Variants in SVOP observed in about 807,000 individuals in gnomAD.
SVOP encodes the protein synaptic vesicle 2-related protein.
A neutral mutation model predicts 69.1 loss-of-function variants in SVOP; 17 were observed. That is an observed-to-expected ratio of 0.25 (90% confidence interval 0.17 to 0.37). The LOEUF (loss-of-function observed/expected upper bound fraction) is 0.37, where lower values mean the gene tolerates loss of function less well. SVOP is among the 10% of genes least tolerant of loss of function. SVOP has a pLI of 1.00. For missense variants in SVOP, 435 were observed against 597.5 expected, an observed-to-expected ratio of 0.73 and a Z score of 2.84; for synonymous variants, 238 against 238.6, an observed-to-expected ratio of 1.00 and a Z score of 0.02.
At chr12:108,938,770 C>T in intron 9 of SVOP, 57 bp downstream of exon 9, 1 of 1,610,660 alleles carries the variant, frequency 6.2e-7, no homozygotes, top group Non-Finnish European at 8.5e-7. Flanking sequence ...TATGCACACA[C>T]TCCCCTGCAT....
intron 6 of SVOP, among the ~76,000 whole-genome samples, chr12:108,957,122 C>T (rs1004179605): frequency 7.2e-5 from 11 of 151,966 alleles, no homozygotes; most frequent in Non-Finnish European, 1.5e-4. Context: ...GGTCCTGGCT[C>T]CCAGGGAGGG....
intron 6 of SVOP, among the ~76,000 whole-genome samples, chr12:108,956,533 A>T (rs1410402752): frequency 6.6e-6 from 1 of 152,154 alleles, no homozygotes; most frequent in Non-Finnish European, 1.5e-5. Context: ...CCCAGGATGG[A>T]ACCACTCCAT....
intron 2 of SVOP, 102 bp from the exon 3 acceptor site, chr12:108,978,765 C>A: frequency 3.2e-6 from 2 of 634,862 alleles, no homozygotes; most frequent in Middle Eastern, 2.5e-4. Context: ...TAATTAAACA[C>A]AGCACATGCT....
At chr12:108,980,607 G>A (rs1486885114) in intron 2 of SVOP, among the ~76,000 whole-genome samples, 34,551 of 132,316 alleles carry the variant, frequency 0.26, 5,183 homozygotes, top group African/African-American at 0.35. Flanking sequence ...AAAATTAGCT[G>A]GGCGCGGTGG....
chr12:108,945,242 G>A, intron 6 of SVOP, 76 bp from the exon 7 acceptor site: 1 of 1,424,238 alleles, frequency 7.0e-7, no homozygotes, highest in Non-Finnish European at 9.6e-7. Context: ...TTCTGAATTT[G>A]CAGCCGACAT....
chr12:109,013,665 C>G (rs2040354093), intron 1 of SVOP, among the ~76,000 whole-genome samples: 1 of 152,162 alleles, frequency 6.6e-6, no homozygotes. Flanking sequence ...GCTGGGATTA[C>G]AGGCGTGAGC....
chr12:108,923,563 G>A (rs1297687957), intron 11 of SVOP, among the ~76,000 whole-genome samples: 1 of 152,060 alleles, frequency 6.6e-6, no homozygotes, highest in Non-Finnish European at 1.5e-5. Context: ...GCCTGGCAAA[G>A]GACCCTGCTA....
rs150051122 is a variant in SVOP, at chr12:109,008,248, T to C, written c.35+12586A>G. Reference sequence around the variant, plus strand: ...GATTAAAATGCTGATTCCTGGGCCATACTCTAGACCTAATAATGCTTTTGC... The same window carrying C: ...GATTAAAATGCTGATTCCTGGGCCACACTCTAGACCTAATAATGCTTTTGC... On this transcript the variant is annotated intron_variant, in intron 1 of 15. Transcript: ENST00000610966. Among the ~76,000 whole-genome samples the C allele has an allele frequency of 4.7e-3, 714 of 152,290 alleles. 5 individuals carry two copies. Among genetic ancestry groups the C allele is most frequent in the Non-Finnish European group, 7.2e-3 (490 of 68,022 alleles).
intron 14 of SVOP, among the ~76,000 whole-genome samples, chr12:108,917,027 G>A (rs1342923208): frequency 2.0e-5 from 3 of 152,162 alleles, no homozygotes; most frequent in Non-Finnish European, 2.9e-5. Context: ...GTTTACAGGC[G>A]TGAACCACTG....
At chr12:108,974,215 C>T (rs2137431901) in intron 4 of SVOP, among the ~76,000 whole-genome samples, 1 of 152,310 alleles carries the variant, frequency 6.6e-6, no homozygotes, top group Middle Eastern at 3.4e-3. Context: ...TGAACCCTGT[C>T]TCACTTTAGC....
intron 1 of SVOP, among the ~76,000 whole-genome samples, chr12:109,019,983 A>G (rs1027592431): frequency 6.6e-6 from 1 of 152,184 alleles, no homozygotes; most frequent in African/African-American, 2.4e-5. Flanking sequence ...TCAAATGGCT[A>G]GTGCTTCTAA....
At chr12:108,942,846 C>T (rs1467517445) in intron 7 of SVOP, among the ~76,000 whole-genome samples, 3 of 152,220 alleles carry the variant, frequency 2.0e-5, no homozygotes, top group Non-Finnish European at 4.4e-5. Flanking sequence ...CTCAGTGCAA[C>T]CTCTGCCTCC....
At position 108,919,700 on chromosome 12, in the gene SVOP, G is replaced by T. The variant is rs1401269192; in HGVS notation, c.1243C>A (p.Leu415Ile). 1 of 1,606,566 alleles carries T rather than the reference G, an allele frequency of 6.2e-7. No homozygotes were observed. The highest frequency in any genetic ancestry group is 8.5e-7 in the Non-Finnish European group (1 of 1,176,458). Residue 415 changes from leucine (L) to isoleucine (I), a missense_variant, in exon 13 of 16, where the codon CTC becomes ATC. Physicochemically the swap from Leu to Ile is conservative, Grantham distance 5. Transcript: ENST00000610966. ...LCFVIFSFCS[L>I]LLFICVGRNV... is the part of the protein sequence containing the mutation. ...CTTCCAACACAGATAAACAGCAGGA[G>T]GCTGCAGAAGGAGAAGATGACAAAG...
rs1425493408 is a variant in SVOP, at chr12:108,999,200, CAA to C, written c.36-15441_36-15440del. ...AAACAGACTTTAAACCAACAAAGAT[CAA>C]AAGAGACAAAGAAGGCCATTACATA... On this transcript the variant is annotated intron_variant, in intron 1 of 15. Transcript: ENST00000610966. 4.5e-5 allele frequency among the ~76,000 whole-genome samples: 5 copies of C among 111,522 alleles called. No homozygotes were observed. In the East Asian group the frequency reaches 8.0e-4, roughly 18 times the overall value. 73.2% of individuals were successfully genotyped at this position (111,522 alleles called of 152,430 possible).
At chr12:109,003,938 C>T (rs566702133) in intron 1 of SVOP, among the ~76,000 whole-genome samples, 1 of 152,294 alleles carries the variant, frequency 6.6e-6, no homozygotes, top group East Asian at 1.9e-4. Flanking sequence ...GACCTGCTCA[C>T]ATTTCTTCTC....
chr12:108,923,296 T>C (rs1042131958), intron 11 of SVOP, among the ~76,000 whole-genome samples: 68 of 152,306 alleles, frequency 4.5e-4, no homozygotes, highest in African/African-American at 1.3e-3. Context: ...GACTGTCTCT[T>C]ATGCTTTTCC....
chr12:108,934,347 G>A, intron 10 of SVOP, 76 bp from the exon 11 acceptor site: 1 of 1,286,830 alleles, frequency 7.8e-7, no homozygotes, highest in African/African-American at 1.5e-5. Flanking sequence ...CCTTGGGAAG[G>A]GCCAATGTCT....
At chr12:108,986,839 G>A (rs557373271) in intron 1 of SVOP, among the ~76,000 whole-genome samples, 1 of 152,168 alleles carries the variant, frequency 6.6e-6, no homozygotes, top group East Asian at 1.9e-4. Context: ...TTGAGAGGTG[G>A]AGACTATTAT....
intron 11 of SVOP, among the ~76,000 whole-genome samples, chr12:108,931,988 G>A (rs775633364): frequency 7.2e-5 from 11 of 152,064 alleles, no homozygotes; most frequent in Non-Finnish European, 1.5e-4. Context: ...CTCTTTAGGG[G>A]ATTTGCGATG....
Sources: allele counts gnomAD v4.1 joint callset (sites outside exome capture counted in the v4.1 genomes callset), GRCh38; gene constraint gnomAD v4.1.1; transcripts MANE v1.5; gene names NCBI Gene and HGNC (gene_info 2026-07-23, HGNC 2026-07-21).